Variants in HSDL1 observed in about 807,000 individuals in gnomAD.
The protein encoded by HSDL1 is hydroxysteroid dehydrogenase like 1.
Under a neutral mutation model 31.5 loss-of-function variants are expected in HSDL1, and 29 were observed. That is an observed-to-expected ratio of 0.92 (90% CI 0.69 to 1.26). The LOEUF is 1.26. Ranked by LOEUF, HSDL1 falls within the 50% of genes most tolerant of loss-of-function variation. The pLI, the probability that HSDL1 is intolerant of heterozygous loss-of-function variation, is 0.00. For synonymous variants in HSDL1, 222 were observed against 155.2 expected (o/e 1.43, Z -3.20); for missense variants, 503 against 416.6 (o/e 1.21, Z -1.81).
intron 2 of HSDL1, among the ~76,000 whole-genome samples, chr16:84,134,039 A>C (rs2086690770): frequency 1.3e-5 from 2 of 152,160 alleles, no homozygotes. Flanking sequence ...AATCTTCCGT[A>C]CAGCAGTCAC....
chr16:84,144,167 C>T (rs374999131), intron 1 of HSDL1: 3 of 151,890 alleles, frequency 2.0e-5, no homozygotes, highest in African/African-American at 7.3e-5. Flanking sequence ...TTCCTATTGT[C>T]TCACTTTATT....
At position 84,123,169 on chromosome 16, in the gene HSDL1, G is replaced by C. The variant is rs1044676712; in HGVS notation, c.*1461C>G. The C allele has an allele frequency of 1.2e-4, 19 of 152,120 alleles. No homozygotes were observed. The highest frequency in any genetic ancestry group is 4.6e-4 in the African/African-American group (19 of 41,428). 9.4% of individuals were successfully genotyped at this position (152,120 alleles called of 1,614,324 possible). ...GGAAGAGCTTCTGAAGTTGACCACT[G>C]ATCTTCTGAGTGCAAGTCACATCTG... On this transcript the variant is annotated 3_prime_UTR_variant, in exon 6 of 6. Coordinates refer to ENST00000219439, the MANE Select transcript of HSDL1 (RefSeq NM_031463.5).
intron 5 of HSDL1, among the ~76,000 whole-genome samples, chr16:84,129,318 T>A (rs2086638395): frequency 6.6e-6 from 1 of 151,904 alleles, no homozygotes; most frequent in African/African-American, 2.4e-5. Flanking sequence ...AGGCGGAGCT[T>A]GCAGTGAGCT....
At chr16:84,125,528 C>T (rs999611360) in intron 5 of HSDL1, among the ~76,000 whole-genome samples, 9 of 150,508 alleles carry the variant, frequency 6.0e-5, no homozygotes, top group South Asian at 4.2e-4. Context: ...AAATACCCAC[C>T]GATCAATCAC....
chr16:84,132,756 G>A (rs760297425), intron 2 of HSDL1, among the ~76,000 whole-genome samples: 16 of 152,140 alleles, frequency 1.1e-4, no homozygotes, highest in Non-Finnish European at 1.8e-4. Context: ...GCCACAGACC[G>A]AGTGAGTGGA....
chr16:84,143,287 T>G (rs2086786219), intron 1 of HSDL1, among the ~76,000 whole-genome samples: 1 of 152,236 alleles, frequency 6.6e-6, no homozygotes, highest in Admixed American at 6.5e-5. Context: ...CATGAAGTAC[T>G]GATACATACT....
At position 84,143,834 on chromosome 16, in the gene HSDL1, T is replaced by C. The variant is rs1209410071; in HGVS notation, c.-69+1246A>G. Among the ~76,000 whole-genome samples the C allele has an allele frequency of 4.0e-4, 45 of 112,092 alleles. No homozygotes were observed. In the South Asian group the frequency reaches 0.012, roughly 31 times the overall value. 73.5% of individuals were successfully genotyped at this position (112,092 alleles called of 152,430 possible). A position where few individuals can be genotyped will look rare whatever the true frequency, so the allele number is the denominator to read the frequency against. ...CAACACAGCGAAACCCCGTCTCTAC[T>C]AAAAAAAAAAAAAAAAAAATTAGCT... is the stretch of plus-strand genomic sequence containing the variant. On this transcript the variant is annotated intron_variant, in intron 1 of 5. Coordinates refer to ENST00000219439, the MANE Select transcript of HSDL1 (RefSeq NM_031463.5).
At chr16:84,141,124 C>G (rs1228366108) in intron 1 of HSDL1, among the ~76,000 whole-genome samples, 1 of 152,076 alleles carries the variant, frequency 6.6e-6, no homozygotes, top group Non-Finnish European at 1.5e-5. Context: ...CTAAGTTTCG[C>G]CTGGTTTTGA....
intron 1 of HSDL1, among the ~76,000 whole-genome samples, chr16:84,143,915 A>G (rs1420357787): frequency 2.0e-5 from 3 of 151,952 alleles, no homozygotes; most frequent in East Asian, 3.9e-4. Context: ...AGGCAGGAGA[A>G]TCACTTGGGC....
rs1179009997 is a variant in HSDL1, at chr16:84,122,636, G to A, written c.*1994C>T. On this transcript the variant is annotated 3_prime_UTR_variant, in exon 6 of 6. Transcript: ENST00000219439. Reference sequence around the variant, plus strand: ...CAAACTGCTGGGATTACAGGTGTGAGCCACCGCACTCGGCCCCTATTTCCC... The same window carrying A: ...CAAACTGCTGGGATTACAGGTGTGAACCACCGCACTCGGCCCCTATTTCCC... 1 of 152,212 alleles carries A rather than the reference G, an allele frequency of 6.6e-6. No homozygotes were observed. Among genetic ancestry groups the A allele is most frequent in the African/African-American group, 2.4e-5 (1 of 41,424 alleles). The allele number at this position is 152,212 out of a possible 1,614,324, so 9.4% of individuals were successfully genotyped here.
At chr16:84,129,498 T>C (rs764645210) in intron 5 of HSDL1, 50 bp downstream of exon 5, 21 of 1,261,828 alleles carry the variant, frequency 1.7e-5, no homozygotes, top group Admixed American at 1.2e-4. Context: ...ATCACTGAGA[T>C]AGGTTCATGA....
At chr16:84,129,865 G>GA (rs760027520) in intron 4 of HSDL1, 90 bp from the exon 5 acceptor site, 283 of 1,414,146 alleles carry the variant, frequency 2.0e-4, no homozygotes, top group Non-Finnish European at 2.7e-4. Flanking sequence ...ATCAATTCAG[G>GA]AAAAAATACA....
Position 84,125,029 on chromosome 16 carries a change from A to C in HSDL1, c.895-301T>G, listed in dbSNP as rs2086591475. 5 of 228,270 alleles carry C rather than the reference A, an allele frequency of 2.2e-5. No homozygotes were observed. The Admixed American group carries it at 2.7e-4, about 12-fold the overall frequency. The allele number at this position is 228,270 out of a possible 1,614,324, so 14.1% of individuals were successfully genotyped here. A position where few individuals can be genotyped will look rare whatever the true frequency, so the allele number is the denominator to read the frequency against. On this transcript the variant is annotated intron_variant, in intron 5 of 5. Transcript: ENST00000219439. ...CAATCACAATACCCACCAATCAAACAAATACCCACCAATCACAACAAATAC... is the reference window on the plus strand; with the variant it reads ...CAATCACAATACCCACCAATCAAACCAATACCCACCAATCACAACAAATAC...
At chr16:84,124,879 A>C (rs2086588137) in intron 5 of HSDL1, 151 bp from the exon 6 acceptor site, 5 of 562,952 alleles carry the variant, frequency 8.9e-6, no homozygotes, top group East Asian at 8.8e-5. Flanking sequence ...ACAAATACCC[A>C]CCAATCAATC....
chr16:84,138,618 G>C (rs1189186652), intron 1 of HSDL1, among the ~76,000 whole-genome samples: 1 of 152,178 alleles, frequency 6.6e-6, no homozygotes, highest in African/African-American at 2.4e-5. Context: ...CTTCGATGAA[G>C]TTGGAAAAAT....
rs1161068496 is a variant in HSDL1 at position 84,130,353 on chromosome 16, T to C, written c.299A>G (p.Asn100Ser). The change falls in exon 4 of 6, where the codon AAC becomes AGC. Residue 100 changes from asparagine (N) to serine (S), a missense_variant. Coordinates refer to ENST00000219439, the MANE Select transcript of HSDL1 (RefSeq NM_031463.5). ...AGCAACAACCTGCAACTTCTCCTCG[T>C]TCCGACTAATCAGGATTATATTGAG... ...RGLNIILISR[N>S]EEKLQVVAKD... 6.2e-6 allele frequency: 10 copies of C among 1,614,108 alleles called. No homozygotes were observed. The Admixed American group carries it at 1.3e-4, about 22-fold the overall frequency.
At chr16:84,141,882 T>C (rs2086772477) in intron 1 of HSDL1, among the ~76,000 whole-genome samples, 1 of 152,206 alleles carries the variant, frequency 6.6e-6, no homozygotes, top group Non-Finnish European at 1.5e-5. Context: ...AGATACTAGC[T>C]CTCTGTATGT....
chr16:84,143,809 C>A (rs2086797865), intron 1 of HSDL1, among the ~76,000 whole-genome samples: 1 of 148,982 alleles, frequency 6.7e-6, no homozygotes, highest in South Asian at 2.1e-4. Context: ...CTACCCTGAC[C>A]AACACAGCGA....
intron 2 of HSDL1, among the ~76,000 whole-genome samples, chr16:84,132,269 G>C (rs2086676580): frequency 6.6e-6 from 1 of 152,082 alleles, no homozygotes; most frequent in African/African-American, 2.4e-5. Flanking sequence ...ACCTGTGTAG[G>C]GACAAAGGAG....
Sources: allele counts gnomAD v4.1 joint callset (sites outside exome capture counted in the v4.1 genomes callset), GRCh38; gene constraint gnomAD v4.1.1; transcripts MANE v1.5; gene names NCBI Gene and HGNC (gene_info 2026-07-23, HGNC 2026-07-21).